Variants in FAR2 observed in about 807,000 individuals in gnomAD.
FAR2 encodes epididymis secretory protein Li 81.
Under a neutral mutation model 56.0 loss-of-function variants are expected in FAR2, and 19 were observed. The ratio of observed to expected loss-of-function variants is 0.34; its 90% CI spans 0.24 to 0.50. The LOEUF is 0.50. Ranked by LOEUF, FAR2 falls within the 20% of genes least tolerant of loss-of-function variation. The pLI, the probability that FAR2 is intolerant of heterozygous loss-of-function variation, is 0.98. For synonymous variants in FAR2, 219 were observed against 218.8 expected (o/e 1.00, Z -0.01); for missense variants, 508 against 642.2 (o/e 0.79, Z 2.26).
chr12:29,233,254 C>G (rs1260829742), intron 1 of FAR2, among the ~76,000 whole-genome samples: 1 of 152,160 alleles, frequency 6.6e-6, no homozygotes, highest in East Asian at 1.9e-4. Flanking sequence ...TTATGCACAC[C>G]AGGCACAGCT....
chr12:29,332,094 A>T (rs1248416081), intron 10 of FAR2, among the ~76,000 whole-genome samples: 1 of 152,114 alleles, frequency 6.6e-6, no homozygotes, highest in Non-Finnish European at 1.5e-5. Context: ...CTCTTCTTAA[A>T]TATAAATTCT....
intron 1 of FAR2, among the ~76,000 whole-genome samples, chr12:29,170,664 C>G (rs771469212): frequency 6.6e-6 from 1 of 150,630 alleles, no homozygotes; most frequent in Non-Finnish European, 1.5e-5. Context: ...TCTCTGACTC[C>G]CTCTTTTTCT....
chr12:29,214,346 A>G (rs1345998693), intron 1 of FAR2, among the ~76,000 whole-genome samples: 1 of 152,172 alleles, frequency 6.6e-6, no homozygotes, highest in Non-Finnish European at 1.5e-5. Context: ...TTATTCACTC[A>G]TTTCTTCATG....
At chr12:29,239,352 T>C (rs10843354) in intron 1 of FAR2, among the ~76,000 whole-genome samples, 2,666 of 152,212 alleles carry the variant, frequency 0.018, 80 homozygotes, top group African/African-American at 0.055. Context: ...AGGAAACCCT[T>C]TCCATTTCCT....
intron 2 of FAR2, among the ~76,000 whole-genome samples, chr12:29,291,194 A>G (rs1364185702): frequency 1.3e-5 from 2 of 152,196 alleles, no homozygotes; most frequent in African/African-American, 4.8e-5. Context: ...CAAGGAGTTT[A>G]CAAACTAGAG....
intron 1 of FAR2, among the ~76,000 whole-genome samples, chr12:29,186,759 TTTA>T (rs1276848701): frequency 1.1e-4 from 2 of 18,420 alleles, no homozygotes; most frequent in African/African-American, 2.5e-4. Flanking sequence ...TTATTTATTA[TTTA>T]TTTATTTATT....
intron 9 of FAR2, among the ~76,000 whole-genome samples, chr12:29,321,276 A>C (rs555352397): frequency 4.2e-4 from 64 of 152,162 alleles, no homozygotes; most frequent in Admixed American, 1.1e-3. Context: ...CTGCAATCCC[A>C]ACACTTTGGG....
intron 1 of FAR2, among the ~76,000 whole-genome samples, chr12:29,203,522 A>G (rs144569712): frequency 0.016 from 2,506 of 152,328 alleles, 58 homozygotes; most frequent in South Asian, 0.081. Context: ...TCTCTAAGTC[A>G]CAGCAATTGT....
At chr12:29,200,221 T>A (rs953730743) in intron 1 of FAR2, among the ~76,000 whole-genome samples, 1 of 152,096 alleles carries the variant, frequency 6.6e-6, no homozygotes, top group Non-Finnish European at 1.5e-5. Flanking sequence ...TATAATGAAT[T>A]TATGAAGATT....
chr12:29,279,260 C>T (rs1447717075), intron 2 of FAR2, among the ~76,000 whole-genome samples: 1 of 152,212 alleles, frequency 6.6e-6, no homozygotes, highest in African/African-American at 2.4e-5. Context: ...TTGATCCAGA[C>T]CAGGCCAAGG....
At chr12:29,290,750 C>G (rs762646713) in intron 2 of FAR2, among the ~76,000 whole-genome samples, 14 of 152,046 alleles carry the variant, frequency 9.2e-5, no homozygotes, top group Non-Finnish European at 1.6e-4. Flanking sequence ...GAACCAGGCA[C>G]AGAAAGACAA....
chr12:29,286,084 C>CACAT lies in FAR2; in HGVS notation c.190-7213_190-7212insTACA, dbSNP rs796402107. 7.2e-4 allele frequency among the ~76,000 whole-genome samples: 77 copies of CACAT among 106,722 alleles called. 2 individuals carry two copies. In the South Asian group the frequency reaches 0.021, roughly 29 times the overall value. The allele number at this position is 106,722 out of a possible 152,430, so 70.0% of individuals were successfully genotyped here. A position where few individuals can be genotyped will look rare whatever the true frequency, so the allele number is the denominator to read the frequency against. ...ACACAGACACACACACACACACACA[C>CACAT]ACACATACACACACACACAACACAG... is the stretch of plus-strand genomic sequence containing the variant. On this transcript the variant is annotated intron_variant, in intron 2 of 11. Coordinates refer to ENST00000536681, the MANE Select transcript of FAR2 (RefSeq NM_001271783.2).
rs112159899 is a variant in FAR2 at position 29,230,508 on chromosome 12, A to G, written c.-38-39904A>G. On this transcript the variant is annotated intron_variant, in intron 1 of 11. Transcript: ENST00000536681. ...CCAGTGCCTTGCATGTGAGCCAGGCAACCCTTGGAGAGTTTTAGCAAAGAA... is the reference window on the plus strand; with the variant it reads ...CCAGTGCCTTGCATGTGAGCCAGGCGACCCTTGGAGAGTTTTAGCAAAGAA... Among the ~76,000 whole-genome samples, 16 of 152,222 alleles carry G rather than the reference A, an allele frequency of 1.1e-4. 1 individual carries two copies. The South Asian group carries it at 3.3e-3, about 32-fold the overall frequency.
intron 1 of FAR2, chr12:29,172,194 C>T (rs11050098): frequency 0.74 from 111,503 of 150,902 alleles, 43,249 homozygotes; most frequent in East Asian, 0.9. Flanking sequence ...AGTGCCTCTG[C>T]CCGGCCGCCC....
At chr12:29,275,535 C>A (rs923652364) in intron 2 of FAR2, among the ~76,000 whole-genome samples, 1 of 152,066 alleles carries the variant, frequency 6.6e-6, no homozygotes, top group Non-Finnish European at 1.5e-5. Context: ...GAGGAATCGC[C>A]ACACTGACTT....
Position 29,204,217 on chromosome 12 carries a change from T to C in FAR2, c.-39+54810T>C, listed in dbSNP as rs186783789. On this transcript the variant is annotated intron_variant, in intron 1 of 11. Coordinates refer to ENST00000536681, the MANE Select transcript of FAR2 (RefSeq NM_001271783.2). ...GAAATAAATTTGTTCTCCAGACAGA[T>C]GCAGATTTTTTCACATTTTTTTTTC... is the stretch of plus-strand genomic sequence containing the variant. Among the ~76,000 whole-genome samples the C allele has an allele frequency of 5.9e-5, 9 of 152,142 alleles. No homozygotes were observed. The East Asian group carries it at 1.2e-3, about 20-fold the overall frequency.
At chr12:29,258,361 C>T (rs554637858) in intron 1 of FAR2, among the ~76,000 whole-genome samples, 19 of 151,602 alleles carry the variant, frequency 1.3e-4, no homozygotes, top group East Asian at 5.8e-4. Flanking sequence ...TCTCAAAAAA[C>T]GAAACAAAAA....
chr12:29,275,806 T>C (rs1379990597), intron 2 of FAR2, among the ~76,000 whole-genome samples: 1 of 152,244 alleles, frequency 6.6e-6, no homozygotes, highest in East Asian at 1.9e-4. Flanking sequence ...GCAGTGTTTT[T>C]TATAACACGG....
chr12:29,203,999 C>CAAA (rs34399942), intron 1 of FAR2, among the ~76,000 whole-genome samples: 15,177 of 67,186 alleles, frequency 0.23, 4,071 homozygotes, highest in Non-Finnish European at 0.28. Context: ...GATTCCATCT[C>CAAA]AAAAAAAAAA....
Sources: gnomAD v4.1 joint callset for allele counts (sites outside exome capture counted in the v4.1 genomes callset) on GRCh38, gnomAD v4.1.1 for gene constraint, MANE v1.5 for transcripts, NCBI Gene and HGNC (gene_info 2026-07-23, HGNC 2026-07-21) for gene names.